Variants in UMPS observed in about 807,000 individuals in gnomAD.
UMPS encodes the protein uridine monophosphate synthetase, also known as uridine 5'-monophosphate synthase.
UMPS carries 21 observed loss-of-function variants against 38.9 expected under a neutral mutation model. The observed-to-expected ratio is 0.54, with a 90% confidence interval of 0.38 to 0.78. The LOEUF (loss-of-function observed/expected upper bound fraction) is 0.78, where lower values mean the gene tolerates loss of function less well. Among genes scored for constraint, UMPS ranks in the 30% least tolerant of loss-of-function variants. UMPS has a pLI of 0.00. For missense variants in UMPS, 533 were observed against 591.6 expected (o/e 0.90, Z 1.03); for synonymous variants, 208 against 219.3 (o/e 0.95, Z 0.45).
chr3:124,747,015 T>G lies in UMPS; in HGVS notation c.*2931T>G. The G allele has an allele frequency of 2.2e-6, 1 of 453,738 alleles. No homozygotes were observed. The highest frequency in any genetic ancestry group is 1.6e-5 in the South Asian group (1 of 64,448). The allele number at this position is 453,738 out of a possible 1,614,324, so 28.1% of individuals were successfully genotyped here. On this transcript the variant is annotated 3_prime_UTR_variant, in exon 6 of 6. Transcript: ENST00000232607. The stretch of plus-strand genomic sequence containing the variant: ...CCGAGGGCTGGTTTTTTGTTTTGTT[T>G]TGTTTGTTTGATACAGGGTCTTCAC...
chr3:124,736,387 A>G (rs2063518325), intron 2 of UMPS, among the ~76,000 whole-genome samples: 1 of 151,924 alleles, frequency 6.6e-6, no homozygotes, highest in Non-Finnish European at 1.5e-5. Context: ...CTACAGATGC[A>G]TTCTGAAAAT....
intron 3 of UMPS, among the ~76,000 whole-genome samples, chr3:124,739,822 A>C (rs190669756): frequency 6.6e-6 from 1 of 152,206 alleles, no homozygotes; most frequent in African/African-American, 2.4e-5. Context: ...TCTCTCACCC[A>C]GCTACTTACC....
At chr3:124,733,730 A>G (rs1208632564) in intron 1 of UMPS, 2 of 153,654 alleles carry the variant, frequency 1.3e-5, no homozygotes, top group Middle Eastern at 2.2e-3. Flanking sequence ...TGGCACGATC[A>G]TTGTTCCTTT....
intron 4 of UMPS, among the ~76,000 whole-genome samples, chr3:124,741,792 T>C (rs904680957): frequency 4.6e-5 from 7 of 152,178 alleles, no homozygotes; most frequent in Non-Finnish European, 1.0e-4. Flanking sequence ...GAAAGGGTCA[T>C]CTCAGAGTCT....
At position 124,747,632 on chromosome 3, in the gene UMPS, TTAG is replaced by T. The variant is rs1489300124; in HGVS notation, c.*3553_*3555del. The T allele has an allele frequency of 4.4e-6, 2 of 452,400 alleles. No homozygotes were observed. Among genetic ancestry groups the T allele is most frequent in the African/African-American group, 2.0e-5 (1 of 49,956 alleles). The allele number at this position is 452,400 out of a possible 1,614,324, so 28.0% of individuals were successfully genotyped here. A position where few individuals can be genotyped will look rare whatever the true frequency, so the allele number is the denominator to read the frequency against. Reference sequence around the variant, plus strand: ...GTAAGCCTGGGAGCGTGATAAATGCTTAGTAGTGCATGCCATGGAGTTCCAGGG... The same window carrying T: ...GTAAGCCTGGGAGCGTGATAAATGCTTAGTGCATGCCATGGAGTTCCAGGG... On this transcript the variant is annotated 3_prime_UTR_variant, in exon 6 of 6. Coordinates refer to ENST00000232607, the MANE Select transcript of UMPS (RefSeq NM_000373.4).
In UMPS at chr3:124,744,222, G is replaced by A. The variant is rs1328714086; in HGVS notation, c.*138G>A. 2.1e-6 allele frequency: 2 copies of A among 970,144 alleles called. No individual in the cohort carries two copies. The highest frequency in any genetic ancestry group is 3.2e-5 in the African/African-American group (2 of 61,840). The allele number at this position is 970,144 out of a possible 1,614,324, so 60.1% of individuals were successfully genotyped here. A position where few individuals can be genotyped will look rare whatever the true frequency, so the allele number is the denominator to read the frequency against. On this transcript the variant is annotated 3_prime_UTR_variant, in exon 6 of 6. Transcript: ENST00000232607. ...GGCCTGTGTAAGAATGGGTTCTGGA[G>A]TTCTCATGGTCTTTAGGAAATATTG...
intron 1 of UMPS, chr3:124,733,561 A>T: frequency 5.1e-6 from 1 of 194,746 alleles, no homozygotes; most frequent in Admixed American, 4.7e-5. Flanking sequence ...GTAGCTTCGC[A>T]TACAGCTTGG....
chr3:124,740,304 A>T, intron 4 of UMPS, 105 bp downstream of exon 4: 4 of 1,213,212 alleles, frequency 3.3e-6, no homozygotes, highest in Non-Finnish European at 4.6e-6. Context: ...GCCAAAAAAA[A>T]AATCCAGCTC....
At chr3:124,739,139 C>CT (rs1271604617) in intron 3 of UMPS, among the ~76,000 whole-genome samples, 1 of 152,170 alleles carries the variant, frequency 6.6e-6, no homozygotes, top group African/African-American at 2.4e-5. Context: ...TTTATACAAA[C>CT]TTTCTTCAGC....
intron 5 of UMPS, among the ~76,000 whole-genome samples, chr3:124,742,919 T>C (rs1161308354): frequency 6.6e-6 from 1 of 152,228 alleles, no homozygotes. Flanking sequence ...ATATGAGTTT[T>C]ACTTCTTTTT....
rs1198894037 is a variant in UMPS at position 124,737,554 on chromosome 3, TTTTTC to T, written c.311-7_311-3del. 3.1e-6 allele frequency: 5 copies of T among 1,614,026 alleles called. No homozygotes were observed. The highest frequency in any genetic ancestry group is 1.7e-5 in the Admixed American group (1 of 60,012). ...TATTTAAATTTGGAATCAGCAAAAT[TTTTTC>T]TTTTCTAGGAACTAAGCGTCTTGTA... is the stretch of plus-strand genomic sequence containing the variant. On this transcript the variant is annotated splice_polypyrimidine_tract_variant and intron_variant, in intron 2 of 5. Coordinates refer to ENST00000232607, the MANE Select transcript of UMPS (RefSeq NM_000373.4).
chr3:124,740,205 T>C lies in UMPS; in HGVS notation c.1158+6T>C. The C allele has an allele frequency of 6.2e-7, 1 of 1,604,052 alleles. No individual in the cohort carries two copies. Among genetic ancestry groups the C allele is most frequent in the Non-Finnish European group, 8.5e-7 (1 of 1,174,074 alleles). ...GGGACTACACTAGAGCAGCGGTAAG[T>C]GGTGGGGGGACTGGGTGAGAGGGGG... On this transcript the variant is annotated splice_donor_region_variant and intron_variant, in intron 4 of 5. Transcript: ENST00000232607.
At position 124,748,596 on chromosome 3, in the gene UMPS, G is replaced by C. The variant is rs1312848771; in HGVS notation, c.*4512G>C. On this transcript the variant is annotated 3_prime_UTR_variant, in exon 6 of 6. Transcript: ENST00000232607. ...CTCCTCAGAGTCAGATCCTGGTGTG[G>C]GCTCTCACGTGCTGCTGCTGAATCC... The C allele has an allele frequency of 2.2e-6, 1 of 454,072 alleles. No individual in the cohort carries two copies. The highest frequency in any genetic ancestry group is 4.4e-6 in the Non-Finnish European group (1 of 226,774). 28.1% of individuals were successfully genotyped at this position (454,072 alleles called of 1,614,324 possible).
rs186842382 is a variant in UMPS, at chr3:124,743,732, C to T, written c.1274-183C>T. On this transcript the variant is annotated intron_variant, in intron 5 of 5. Transcript: ENST00000232607. The stretch of plus-strand genomic sequence containing the variant: ...TTGGTGATCATCTTTCTCCATTTGA[C>T]GTCTCTGGCCTACCCAGTGAGTCTC... Among the ~76,000 whole-genome samples the T allele has an allele frequency of 4.3e-3, 653 of 152,318 alleles. 4 individuals carry two copies. The highest frequency in any genetic ancestry group is 0.011 in the Admixed American group (168 of 15,298).
At position 124,746,755 on chromosome 3, in the gene UMPS, T is replaced by TTGCGTGTG. The variant is rs2063602267; in HGVS notation, c.*2673_*2674insCGTGTGTG. ...ATTCTGTAGAACATAAGCCCATAGA[T>TTGCGTGTG]TGTGTGTGTGTGTGTGTGTGTGTGT... is the stretch of plus-strand genomic sequence containing the variant. On this transcript the variant is annotated 3_prime_UTR_variant, in exon 6 of 6. Coordinates refer to ENST00000232607, the MANE Select transcript of UMPS (RefSeq NM_000373.4). 2.7e-6 allele frequency: 1 copy of TTGCGTGTG among 373,208 alleles called. No individual in the cohort carries two copies. Among genetic ancestry groups the TTGCGTGTG allele is most frequent in the Admixed American group, 2.7e-5 (1 of 36,782 alleles). The allele number at this position is 373,208 out of a possible 1,614,324, so 23.1% of individuals were successfully genotyped here. A position where few individuals can be genotyped will look rare whatever the true frequency, so the allele number is the denominator to read the frequency against.
At position 124,730,456 on chromosome 3, in the gene UMPS, C is replaced by G. The variant is rs771022552; in HGVS notation, c.-16C>G. 2 of 1,613,726 alleles carry G rather than the reference C, an allele frequency of 1.2e-6. No individual in the cohort carries two copies. The highest frequency in any genetic ancestry group is 1.7e-6 in the Non-Finnish European group (2 of 1,179,870). On this transcript the variant is annotated 5_prime_UTR_variant, in exon 1 of 6. Transcript: ENST00000232607. ...GGGGCGCCTGGGAATTTGAAGCAAA[C>G]AGGCAGCGCGCGACAATGGCGGTCG...
At chr3:124,731,968 A>T (rs9878223) in intron 1 of UMPS, among the ~76,000 whole-genome samples, 25,695 of 148,718 alleles carry the variant, frequency 0.17, 2,381 homozygotes, top group Admixed American at 0.25. Context: ...CAAATTAAAA[A>T]TTTTTTTTTT....
intron 1 of UMPS, chr3:124,731,485 TTTTA>T (rs1456377290): frequency 6.8e-6 from 3 of 441,574 alleles, no homozygotes; most frequent in East Asian, 7.2e-5. Flanking sequence ...TGTGTTATTA[TTTTA>T]TTTATTTATT....
In UMPS at chr3:124,746,140, T is replaced by C. The variant is rs1397171911; in HGVS notation, c.*2056T>C. Reference sequence around the variant, plus strand: ...GTCACATGCTCCTGTCCTTTAGAAATGTGGGCTCCTGCCATCTCCAGGACG... The same window carrying C: ...GTCACATGCTCCTGTCCTTTAGAAACGTGGGCTCCTGCCATCTCCAGGACG... On this transcript the variant is annotated 3_prime_UTR_variant, in exon 6 of 6. Transcript: ENST00000232607. 1 of 453,986 alleles carries C rather than the reference T, an allele frequency of 2.2e-6. No individual in the cohort carries two copies. Among genetic ancestry groups the C allele is most frequent in the South Asian group, 1.6e-5 (1 of 64,484 alleles). 28.1% of individuals were successfully genotyped at this position (453,986 alleles called of 1,614,324 possible). A position where few individuals can be genotyped will look rare whatever the true frequency, so the allele number is the denominator to read the frequency against.
Sources: allele counts gnomAD v4.1 joint callset (sites outside exome capture counted in the v4.1 genomes callset), GRCh38; gene constraint gnomAD v4.1.1; transcripts MANE v1.5; gene names NCBI Gene and HGNC (gene_info 2026-07-23, HGNC 2026-07-21).